Variants in CTNNA2 observed in about 807,000 individuals in gnomAD.
CTNNA2 encodes catenin alpha-2.
CTNNA2 carries 42 observed loss-of-function variants against 101.0 expected under a neutral mutation model. The ratio of observed to expected loss-of-function variants is 0.42; its 90% CI spans 0.32 to 0.54. The LOEUF (loss-of-function observed/expected upper bound fraction) is 0.54. Among genes scored for constraint, CTNNA2 ranks in the 20% least tolerant of loss-of-function variants. The pLI is 0.14. For synonymous variants in CTNNA2, 450 were observed against 456.4 expected, an observed-to-expected ratio of 0.99 and a Z score of 0.18; for missense variants, 871 against 1,223.1, an observed-to-expected ratio of 0.71 and a Z score of 4.29.
Position 80,255,063 on chromosome 2 carries a change from G to A in CTNNA2, c.1057-138148G>A, listed in dbSNP as rs1672038752. 2.0e-5 allele frequency among the ~76,000 whole-genome samples: 3 copies of A among 152,290 alleles called. No individual in the cohort carries two copies. The South Asian group carries it at 6.2e-4, about 32-fold the overall frequency. ...ATGAATGGGTCCTGACATGGCAGGA[G>A]TCCCAGAAATGCATGTCTCTTCCAC... On this transcript the variant is annotated intron_variant, in intron 7 of 18. Coordinates refer to ENST00000402739, the MANE Select transcript of CTNNA2 (RefSeq NM_001282597.3).
intron 18 of CTNNA2, among the ~76,000 whole-genome samples, chr2:80,632,145 G>T (rs1483553751): frequency 6.6e-6 from 1 of 151,932 alleles, no homozygotes; most frequent in Non-Finnish European, 1.5e-5. Flanking sequence ...TTTGTACAGC[G>T]AATCCCAGCA....
At chr2:80,218,236 G>A (rs1036410905) in intron 7 of CTNNA2, among the ~76,000 whole-genome samples, 1 of 152,224 alleles carries the variant, frequency 6.6e-6, no homozygotes, top group African/African-American at 2.4e-5. Context: ...TTGGGCTTTG[G>A]AAGGCAAGAA....
intron 1 of CTNNA2, among the ~76,000 whole-genome samples, chr2:79,644,438 T>A (rs1165358584): frequency 6.6e-6 from 1 of 152,226 alleles, no homozygotes; most frequent in Non-Finnish European, 1.5e-5. Flanking sequence ...GTAACCTTAA[T>A]CACATCTGTA....
intron 13 of CTNNA2, among the ~76,000 whole-genome samples, chr2:80,578,103 T>A (rs1457035858): frequency 6.6e-6 from 1 of 152,176 alleles, no homozygotes; most frequent in Non-Finnish European, 1.5e-5. Context: ...GGTATGACCC[T>A]GGTCAAGCCA....
At chr2:79,619,181 G>T (rs1211521571) in intron 1 of CTNNA2, among the ~76,000 whole-genome samples, 1 of 152,246 alleles carries the variant, frequency 6.6e-6, no homozygotes, top group Non-Finnish European at 1.5e-5. Flanking sequence ...ACTCCAGCCT[G>T]GGTGACAGAG....
chr2:79,787,538 T>C (rs1399396532), intron 3 of CTNNA2, among the ~76,000 whole-genome samples: 2 of 152,192 alleles, frequency 1.3e-5, no homozygotes, highest in Non-Finnish European at 2.9e-5. Flanking sequence ...ACTACCCGCT[T>C]ATTGGCTTAA....
intron 7 of CTNNA2, among the ~76,000 whole-genome samples, chr2:80,162,240 T>C (rs542905032): frequency 9.2e-5 from 14 of 152,268 alleles, no homozygotes; most frequent in African/African-American, 3.4e-4. Flanking sequence ...TAAAACCCTT[T>C]CCTCTTCATA....
intron 7 of CTNNA2, among the ~76,000 whole-genome samples, chr2:80,172,055 C>T (rs1705095088): frequency 2.0e-5 from 3 of 152,082 alleles, no homozygotes; most frequent in Admixed American, 6.5e-5. Flanking sequence ...ATAGAAAAGG[C>T]AAGCCTAGCA....
chr2:79,235,184 A>G (rs1427042477), intron 2 of CTNNA2, among the ~76,000 whole-genome samples: 1 of 152,184 alleles, frequency 6.6e-6, no homozygotes, highest in Admixed American at 6.5e-5. Context: ...TGGATTGAGT[A>G]TACTCAGTTG....
chr2:79,732,936 G>A (rs1161588420), intron 2 of CTNNA2, among the ~76,000 whole-genome samples: 2 of 152,078 alleles, frequency 1.3e-5, no homozygotes, highest in African/African-American at 2.4e-5. Context: ...TGATTTTAAT[G>A]AGCCAGATTG....
intron 4 of CTNNA2, among the ~76,000 whole-genome samples, chr2:79,858,686 C>T (rs1681338121): frequency 6.6e-6 from 1 of 152,032 alleles, no homozygotes; most frequent in African/African-American, 2.4e-5. Flanking sequence ...TAAAAAGGGG[C>T]CCCATCCACA....
intron 4 of CTNNA2, among the ~76,000 whole-genome samples, chr2:79,394,699 T>C (rs145214323): frequency 0.015 from 2,319 of 152,314 alleles, 67 homozygotes; most frequent in African/African-American, 0.053. Flanking sequence ...CACTCAGTAG[T>C]ACACATATCC....
At chr2:80,414,506 A>G (rs1468915934) in intron 8 of CTNNA2, among the ~76,000 whole-genome samples, 1 of 152,138 alleles carries the variant, frequency 6.6e-6, no homozygotes, top group East Asian at 1.9e-4. Context: ...CTGTGTTCAG[A>G]GAATTCCTCA....
chr2:79,909,490 G>A, intron 6 of CTNNA2, 104 bp from the exon 7 acceptor site: 2 of 867,268 alleles, frequency 2.3e-6, no homozygotes, highest in Admixed American at 2.8e-5. Flanking sequence ...CTCCTCCTTG[G>A]GGACTCCTGT....
intron 9 of CTNNA2, among the ~76,000 whole-genome samples, chr2:80,486,973 G>A (rs1662428409): frequency 1.3e-5 from 2 of 152,104 alleles, no homozygotes; most frequent in South Asian, 4.1e-4. Flanking sequence ...ATGTAGCTCT[G>A]ACATATTGCT....
intron 7 of CTNNA2, among the ~76,000 whole-genome samples, chr2:80,242,201 A>T (rs1331889447): frequency 1.3e-5 from 2 of 152,194 alleles, no homozygotes; most frequent in Admixed American, 1.3e-4. Flanking sequence ...CAGGAAAATA[A>T]TTCTGAACTT....
rs1688646728 is a variant in CTNNA2, at chr2:80,510,807, T to C, written c.1291-34175T>C. Among the ~76,000 whole-genome samples the C allele has an allele frequency of 1.3e-5, 2 of 152,206 alleles. 1 individual carries two copies. Among genetic ancestry groups the C allele is most frequent in the South Asian group, 4.1e-4 (2 of 4,822 alleles). On this transcript the variant is annotated intron_variant, in intron 9 of 18. Transcript: ENST00000402739. ...AACAGTAGAATCTATAATCCTGGAA[T>C]AGACTGACTTCTGCTAAATGGTCAC...
intron 7 of CTNNA2, among the ~76,000 whole-genome samples, chr2:80,338,967 G>C (rs1573766315): frequency 6.6e-6 from 1 of 152,196 alleles, no homozygotes; most frequent in African/African-American, 2.4e-5. Context: ...TACAATCAGA[G>C]CTGGCTATTT....
At chr2:80,003,532 C>G (rs1693111645) in intron 7 of CTNNA2, among the ~76,000 whole-genome samples, 1 of 152,142 alleles carries the variant, frequency 6.6e-6, no homozygotes, top group Non-Finnish European at 1.5e-5. Context: ...TTCGGGACAC[C>G]ATTTTTACTA....
Sources: gnomAD v4.1 joint callset for allele counts (sites outside exome capture counted in the v4.1 genomes callset) on GRCh38, gnomAD v4.1.1 for gene constraint, MANE v1.5 for transcripts, NCBI Gene and HGNC (gene_info 2026-07-23, HGNC 2026-07-21) for gene names.